The following BRCA2 variants were observed in gnomAD, a reference collection of about 807,000 sequenced individuals.
BRCA2 encodes the protein breast cancer type 2 susceptibility protein.
A neutral mutation model predicts 276.7 loss-of-function variants in BRCA2; 203 were observed. The observed-to-expected ratio is 0.73, with a 90% CI of 0.65 to 0.82. The LOEUF is 0.82. Ranked by LOEUF, BRCA2 falls within the 40% of genes least tolerant of loss-of-function variation. The pLI, the probability that BRCA2 is intolerant of heterozygous loss-of-function variation, is 0.00. For synonymous variants in BRCA2, 1,289 were observed against 1,338.4 expected (o/e 0.96, Z 0.81); for missense variants, 3,920 against 3,915.0 (o/e 1.00, Z -0.03).
intron 3 of BRCA2, among the ~76,000 whole-genome samples, chr13:32,319,798 A>G (rs1328391566): frequency 1.3e-5 from 2 of 152,238 alleles, no homozygotes; most frequent in Non-Finnish European, 2.9e-5. Flanking sequence ...ATTATTACCT[A>G]CTTGACATAA....
chr13:32,338,626 C>G lies in BRCA2; in HGVS notation c.4271C>G (p.Ser1424Cys), dbSNP rs80358664. Residue 1424 changes from serine (S) to cysteine (C), a missense_variant, in exon 11 of 27, where the codon TCT (serine) becomes TGT (cysteine). By Grantham distance (112) the Ser-to-Cys change is moderately radical. This residue lies in a region of BRCA2 where 3,263 missense variants were observed against 3,156.9 expected (regional missense o/e 1.03). Coordinates refer to ENST00000380152, the MANE Select transcript of BRCA2 (RefSeq NM_000059.4). Reference sequence around the variant, plus strand: ...CAAAATATAAAAGATTTTGAGACTTCTGATACATTTTTTCAGACTGCAAGT... The same window carrying G: ...CAAAATATAAAAGATTTTGAGACTTGTGATACATTTTTTCAGACTGCAAGT... ...TEQNIKDFETSDTFFQTASGK... is the reference protein window; with the variant it reads ...TEQNIKDFETCDTFFQTASGK... 1.2e-5 allele frequency: 19 copies of G among 1,598,368 alleles called. No individual in the cohort carries two copies. Among genetic ancestry groups the G allele is most frequent in the Non-Finnish European group, 1.5e-5 (17 of 1,170,326 alleles).
In BRCA2 at chr13:32,370,960, T is replaced by C. The variant is rs1384628074; in HGVS notation, c.8492T>C (p.Met2831Thr). 7 of 1,614,010 alleles carry C rather than the reference T, an allele frequency of 4.3e-6. No individual in the cohort carries two copies. The highest frequency in any genetic ancestry group is 5.9e-6 in the Non-Finnish European group (7 of 1,179,970). The change falls in exon 20 of 27, where the codon ATG becomes ACG. Residue 2831 changes from methionine (M) to threonine (T), a missense_variant. Physicochemically the swap from Met to Thr is moderately conservative, Grantham distance 81. This residue lies in a region of BRCA2 where 657 missense variants were observed against 758.2 expected (regional missense o/e 0.87). Coordinates refer to ENST00000380152, the MANE Select transcript of BRCA2 (RefSeq NM_000059.4). ...GTGTGTAACACATTATTACAGTGGA[T>C]GGAGAAGACATCATCTGGATTATAC... is the stretch of plus-strand genomic sequence containing the variant. Reference protein sequence around the residue: ...IIQRAYPIQWMEKTSSGLYIF... With the variant: ...IIQRAYPIQWTEKTSSGLYIF...
intron 20 of BRCA2, among the ~76,000 whole-genome samples, chr13:32,375,858 C>A (rs2072867944): frequency 6.6e-6 from 1 of 152,146 alleles, no homozygotes; most frequent in Non-Finnish European, 1.5e-5. Context: ...CCGTACCCGG[C>A]AAGACATGTT....
rs139877528 is a variant in BRCA2 at position 32,331,135 on chromosome 13, C to T, written c.793+105C>T. 531 of 783,552 alleles carry T rather than the reference C, an allele frequency of 6.8e-4. 7 individuals carry two copies. The East Asian group carries it at 0.013, about 19-fold the overall frequency. 48.5% of individuals were successfully genotyped at this position (783,552 alleles called of 1,614,324 possible). Reference sequence around the variant, plus strand: ...TCTGTCACCCGTGATCTCGGTTTACCGCAACCTCTGCCTCCCGTGCTCAAG... The same window carrying T: ...TCTGTCACCCGTGATCTCGGTTTACTGCAACCTCTGCCTCCCGTGCTCAAG... On this transcript the variant is annotated intron_variant, in intron 9 of 26. Transcript: ENST00000380152.
intron 26 of BRCA2, among the ~76,000 whole-genome samples, chr13:32,397,539 A>ATT (rs1176008232): frequency 1.3e-5 from 2 of 149,834 alleles, no homozygotes; most frequent in Non-Finnish European, 3.0e-5. Flanking sequence ...TTGGAAACTG[A>ATT]TTTTAAGGGA....
In BRCA2 at chr13:32,383,609, G is replaced by A. The variant is rs557306301; in HGVS notation, c.9256+3464G>A. On this transcript the variant is annotated intron_variant, in intron 24 of 26. Coordinates refer to ENST00000380152, the MANE Select transcript of BRCA2 (RefSeq NM_000059.4). ...TCTGTAGTTTAGCTGGGTAAGTAAT[G>A]CAAAGCAAGAAGGGCAAAGAATTTG... Among the ~76,000 whole-genome samples, 5 of 152,310 alleles carry A rather than the reference G, an allele frequency of 3.3e-5. No homozygotes were observed. The South Asian group carries it at 1.0e-3, about 32-fold the overall frequency.
chr13:32,334,866 A>C (rs769643417), intron 10 of BRCA2, among the ~76,000 whole-genome samples: 5 of 152,178 alleles, frequency 3.3e-5, no homozygotes, highest in Non-Finnish European at 7.3e-5. Flanking sequence ...TTGTTGCAAC[A>C]GTTCACTTAG....
At chr13:32,370,856 G>A (rs1190496369) in intron 19 of BRCA2, 100 bp from the exon 20 acceptor site, 4 of 1,466,202 alleles carry the variant, frequency 2.7e-6, no homozygotes, top group Non-Finnish European at 3.8e-6. Context: ...GCCTCCCAAA[G>A]TTCTGGGATT....
Position 32,379,429 on chromosome 13 carries a change from A to C in BRCA2, c.8867A>C (p.Glu2956Ala), listed in dbSNP as rs151174152. The change falls in exon 22 of 27, where the codon GAA becomes GCA. Residue 2956 changes from glutamate to alanine, a missense_variant. Glu to Ala is a moderately radical substitution (Grantham distance 107). This residue lies in a region of BRCA2 where 657 missense variants were observed against 758.2 expected (regional missense o/e 0.87). Coordinates refer to ENST00000380152, the MANE Select transcript of BRCA2 (RefSeq NM_000059.4). ...LEIRKAMESA[E>A]QKEQGLSRDV... is the part of the protein sequence containing the mutation. ...ATTAGGAAGGCCATGGAATCTGCTG[A>C]ACAAAAGGAACAAGGTTTATCAAGG... 1.6e-5 allele frequency: 26 copies of C among 1,613,700 alleles called. No individual in the cohort carries two copies. Among genetic ancestry groups the C allele is most frequent in the African/African-American group, 5.3e-5 (4 of 74,912 alleles).
At chr13:32,343,237 G>C (rs1246883223) in intron 11 of BRCA2, among the ~76,000 whole-genome samples, 2 of 152,006 alleles carry the variant, frequency 1.3e-5, no homozygotes, top group Non-Finnish European at 1.5e-5. Context: ...TAGTGTATCT[G>C]ACTGGTAATA....
intron 24 of BRCA2, among the ~76,000 whole-genome samples, chr13:32,387,880 A>G (rs1031651227): frequency 1.3e-5 from 2 of 152,044 alleles, no homozygotes; most frequent in African/African-American, 2.4e-5. Flanking sequence ...CACCTTTTCA[A>G]TCACTTAGAA....
At chr13:32,317,195 T>G (rs2072269822) in intron 2 of BRCA2, among the ~76,000 whole-genome samples, 1 of 152,178 alleles carries the variant, frequency 6.6e-6, no homozygotes, top group African/African-American at 2.4e-5. Flanking sequence ...CATGACTCTG[T>G]CTCAAAACAA....
In BRCA2 at chr13:32,338,055, C is replaced by A. The variant is rs431825311; in HGVS notation, c.3700C>A (p.Leu1234Met). 2 of 1,610,716 alleles carry A rather than the reference C, an allele frequency of 1.2e-6. No homozygotes were observed. Among genetic ancestry groups the A allele is most frequent in the Non-Finnish European group, 8.5e-7 (1 of 1,178,640 alleles). ...GTKLNVSTEA[L>M]QKAVKLFSDI... ...AAAACTGAATGTTTCTACTGAAGCT[C>A]TGCAAAAAGCTGTGAAACTGTTTAG... The change falls in exon 11 of 27, where the codon CTG becomes ATG. Residue 1234 changes from leucine to methionine, a missense_variant. This residue lies in a region of BRCA2 where 3,263 missense variants were observed against 3,156.9 expected (regional missense o/e 1.03). Transcript: ENST00000380152.
intron 2 of BRCA2, among the ~76,000 whole-genome samples, chr13:32,316,770 T>G (rs1035207106): frequency 3.3e-5 from 5 of 152,200 alleles, no homozygotes; most frequent in African/African-American, 1.2e-4. Flanking sequence ...TACTAACAAA[T>G]CAGAAGCATT....
chr13:32,357,594 ATAACTT>A (rs779174940), intron 15 of BRCA2, 142 bp from the exon 16 acceptor site: 7 of 757,796 alleles, frequency 9.2e-6, no homozygotes, highest in Non-Finnish European at 1.2e-5. Context: ...TTTCTAGTAA[ATAACTT>A]AAATGTTTTT....
At chr13:32,374,454 A>G (rs543873347) in intron 20 of BRCA2, among the ~76,000 whole-genome samples, 51 of 152,322 alleles carry the variant, frequency 3.3e-4, no homozygotes, top group Non-Finnish European at 6.6e-4. Flanking sequence ...AACATGTATG[A>G]CTGTGTTTCT....
At chr13:32,329,356 A>C (rs951708374) in intron 7 of BRCA2, 87 bp from the exon 8 acceptor site, 1 of 870,264 alleles carries the variant, frequency 1.1e-6, no homozygotes, top group Non-Finnish European at 1.9e-6. Flanking sequence ...GTAATCAAAT[A>C]GTAGATGTGC....
intron 9 of BRCA2, among the ~76,000 whole-genome samples, chr13:32,331,634 A>G (rs1030752078): frequency 6.6e-6 from 1 of 152,178 alleles, no homozygotes; most frequent in Admixed American, 6.5e-5. Flanking sequence ...GTACTATTTA[A>G]TATGTGGTTG....
Position 32,363,064 on chromosome 13 carries a change from CTCAG to C in BRCA2, c.7977-113_7977-110del, listed in dbSNP as rs1159199557. On this transcript the variant is annotated intron_variant, in intron 17 of 26. Transcript: ENST00000380152. ...ATTCCTAGCTACAAAATTTTTAATT[CTCAG>C]TATTTCTTAGATAAATTCAGTTTTT... is the stretch of plus-strand genomic sequence containing the variant. 3.4e-6 allele frequency: 3 copies of C among 891,522 alleles called. No individual in the cohort carries two copies. The African/African-American group carries it at 5.1e-5, about 15-fold the overall frequency. 55.2% of individuals were successfully genotyped at this position (891,522 alleles called of 1,614,324 possible). A position where few individuals can be genotyped will look rare whatever the true frequency, so the allele number is the denominator to read the frequency against.
Sources: allele counts gnomAD v4.1 joint callset (sites outside exome capture counted in the v4.1 genomes callset), GRCh38; gene constraint gnomAD v4.1.1; regional missense constraint gnomAD v4.1.1; transcripts MANE v1.5; gene names NCBI Gene and HGNC (gene_info 2026-07-23, HGNC 2026-07-21).